The following FGF10 variants were observed in gnomAD, a reference collection of about 807,000 sequenced individuals.
The protein encoded by FGF10 is fibroblast growth factor 10.
A neutral mutation model predicts 19.8 loss-of-function variants in FGF10; 2 were observed. That is an observed-to-expected ratio of 0.10 (90% CI 0.04 to 0.32). The LOEUF (loss-of-function observed/expected upper bound fraction) is 0.32. Ranked by LOEUF, FGF10 falls within the 10% of genes least tolerant of loss-of-function variation. The pLI is 1.00. For synonymous variants in FGF10, 112 were observed against 94.0 expected (o/e 1.19, Z -1.10); for missense variants, 191 against 246.3 (o/e 0.78, Z 1.50).
intron 1 of FGF10, among the ~76,000 whole-genome samples, chr5:44,373,594 C>A (rs1741790491): frequency 6.6e-6 from 1 of 152,146 alleles, no homozygotes; most frequent in African/African-American, 2.4e-5. Flanking sequence ...ATTTCTGTAG[C>A]TGAAAGGATT....
At chr5:44,387,591 AG>A (rs1459689054) in intron 1 of FGF10, among the ~76,000 whole-genome samples, 1 of 152,216 alleles carries the variant, frequency 6.6e-6, no homozygotes, top group Non-Finnish European at 1.5e-5. Flanking sequence ...ACAGTACAAC[AG>A]GACACCACAA....
At chr5:44,353,276 ATTG>A (rs766362705) in intron 1 of FGF10, among the ~76,000 whole-genome samples, 11 of 151,484 alleles carry the variant, frequency 7.3e-5, no homozygotes, top group Non-Finnish European at 1.3e-4. Context: ...CCTGTTTGTT[ATTG>A]TTGTTGTTAG....
chr5:44,388,656 A>AGCCGGG lies in FGF10; in HGVS notation c.26_27insCCCGGC (p.Cys9_Ala10insProAla). Reference sequence around the variant, plus strand: ...CGGGCAGGTGGGGAAAGGCTGAGGCACAATGTGTCAGTATCCATTTCCACA... The same window carrying AGCCGGG: ...CGGGCAGGTGGGGAAAGGCTGAGGCAGCCGGGCAATGTGTCAGTATCCATTTCCACA... On this transcript the variant is annotated inframe_insertion, in exon 1 of 3. Coordinates refer to ENST00000264664, the MANE Select transcript of FGF10 (RefSeq NM_004465.2). The AGCCGGG allele has an allele frequency of 6.2e-7, 1 of 1,614,118 alleles. No homozygotes were observed. Among genetic ancestry groups the AGCCGGG allele is most frequent in the Non-Finnish European group, 8.5e-7 (1 of 1,180,024 alleles).
chr5:44,354,128 G>T (rs949741498), intron 1 of FGF10, among the ~76,000 whole-genome samples: 1 of 151,084 alleles, frequency 6.6e-6, no homozygotes, highest in Non-Finnish European at 1.5e-5. Flanking sequence ...TTTCTTAAGA[G>T]AATACAAACA....
At chr5:44,357,051 T>A (rs1741364619) in intron 1 of FGF10, among the ~76,000 whole-genome samples, 1 of 151,212 alleles carries the variant, frequency 6.6e-6, no homozygotes, top group Non-Finnish European at 1.5e-5. Context: ...ACAAAAAAAA[T>A]ATGTATGTGT....
chr5:44,369,515 ACAC>A (rs1741698025), intron 1 of FGF10, among the ~76,000 whole-genome samples: 1 of 152,166 alleles, frequency 6.6e-6, no homozygotes, highest in Admixed American at 6.5e-5. Context: ...AAGTTTGTTT[ACAC>A]GACTGTCATT....
intron 1 of FGF10, among the ~76,000 whole-genome samples, chr5:44,347,113 A>G (rs1741106861): frequency 1.3e-5 from 2 of 151,760 alleles, no homozygotes. Flanking sequence ...GTAAATACTC[A>G]ATAAATATTT....
intron 1 of FGF10, among the ~76,000 whole-genome samples, chr5:44,374,293 A>G (rs181609609): frequency 8.5e-5 from 13 of 152,236 alleles, no homozygotes; most frequent in Middle Eastern, 6.8e-3. Flanking sequence ...TGATGGCATT[A>G]AGGGCCTACC....
At chr5:44,371,425 G>C (rs979663296) in intron 1 of FGF10, among the ~76,000 whole-genome samples, 2 of 152,096 alleles carry the variant, frequency 1.3e-5, no homozygotes, top group African/African-American at 4.8e-5. Flanking sequence ...AACAGAAAAT[G>C]AACTAAGGCA....
chr5:44,322,680 A>G (rs887690112), intron 1 of FGF10, among the ~76,000 whole-genome samples: 2 of 152,078 alleles, frequency 1.3e-5, no homozygotes, highest in African/African-American at 4.8e-5. Flanking sequence ...CAAAAGCACC[A>G]AAGAGCCTGC....
At chr5:44,376,981 G>T (rs2929854) in intron 1 of FGF10, among the ~76,000 whole-genome samples, 152,206 of 152,334 alleles carry the variant, frequency 1, 76,040 homozygotes, top group Non-Finnish European at 1. Context: ...TACATTTACA[G>T]ACTTCCCTCT....
At chr5:44,377,801 TA>T (rs1215545041) in intron 1 of FGF10, among the ~76,000 whole-genome samples, 3 of 152,218 alleles carry the variant, frequency 2.0e-5, no homozygotes, top group Non-Finnish European at 2.9e-5. Flanking sequence ...AACACAAAAC[TA>T]ATTTGTGGTT....
intron 1 of FGF10, among the ~76,000 whole-genome samples, chr5:44,341,578 T>C: frequency 6.6e-6 from 1 of 151,982 alleles, no homozygotes; most frequent in East Asian, 1.9e-4. Context: ...ATGAAAGCTC[T>C]ATAATGTCCA....
At chr5:44,354,858 A>C (rs1036057457) in intron 1 of FGF10, among the ~76,000 whole-genome samples, 1 of 151,518 alleles carries the variant, frequency 6.6e-6, no homozygotes, top group Non-Finnish European at 1.5e-5. Flanking sequence ...ATTAGTGCAC[A>C]GTCCTGCCTG....
intron 1 of FGF10, among the ~76,000 whole-genome samples, chr5:44,345,870 G>A (rs770605861): frequency 6.6e-6 from 1 of 151,658 alleles, no homozygotes; most frequent in Non-Finnish European, 1.5e-5. Context: ...GCTCTACTCA[G>A]TATGAAAATA....
At chr5:44,364,633 A>G (rs1478158740) in intron 1 of FGF10, among the ~76,000 whole-genome samples, 3 of 151,918 alleles carry the variant, frequency 2.0e-5, no homozygotes, top group African/African-American at 7.2e-5. Flanking sequence ...GAAATCAAAG[A>G]AAGAGAATTC....
At chr5:44,350,429 A>G (rs2111820699) in intron 1 of FGF10, among the ~76,000 whole-genome samples, 1 of 151,004 alleles carries the variant, frequency 6.6e-6, no homozygotes, top group South Asian at 2.1e-4. Context: ...TCACCAAAAT[A>G]GAACAACAGG....
chr5:44,324,789 T>C (rs2111738324), intron 1 of FGF10, among the ~76,000 whole-genome samples: 1 of 152,304 alleles, frequency 6.6e-6, no homozygotes. Flanking sequence ...CAAAACCTAA[T>C]TCTAGGTAAA....
At chr5:44,362,815 C>G (rs951925540) in intron 1 of FGF10, among the ~76,000 whole-genome samples, 2 of 151,512 alleles carry the variant, frequency 1.3e-5, no homozygotes, top group African/African-American at 4.8e-5. Flanking sequence ...AGTGTTCCTA[C>G]CCTAAACACT....
Sources: allele counts gnomAD v4.1 joint callset (sites outside exome capture counted in the v4.1 genomes callset), GRCh38; gene constraint gnomAD v4.1.1; transcripts MANE v1.5; gene names NCBI Gene and HGNC (gene_info 2026-07-23, HGNC 2026-07-21).